ZEB2: variants seen among roughly 807,000 people sequenced by gnomAD.
ZEB2 encodes the protein zinc finger E-box binding homeobox 2.
Under a neutral mutation model 99.9 loss-of-function variants are expected in ZEB2, and 6 were observed. The ratio of observed to expected loss-of-function variants is 0.06; its 90% CI spans 0.03 to 0.12. The LOEUF (loss-of-function observed/expected upper bound fraction) is 0.12, where lower values mean the gene tolerates loss of function less well. Among genes scored for constraint, ZEB2 ranks in the 10% least tolerant of loss-of-function variants. The pLI is 1.00. For missense variants in ZEB2, 969 were observed against 1,502.8 expected, an observed-to-expected ratio of 0.64 and a Z score of 5.87; for synonymous variants, 517 against 542.5, an observed-to-expected ratio of 0.95 and a Z score of 0.65.
At chr2:144,401,859 G>T (rs1218579869) in intron 6 of ZEB2, among the ~76,000 whole-genome samples, 1 of 152,024 alleles carries the variant, frequency 6.6e-6, no homozygotes, top group East Asian at 1.9e-4. Flanking sequence ...AAAAAACCTT[G>T]ACTATAAATA....
intron 2 of ZEB2, chr2:144,463,017 T>A (rs1704216523): frequency 6.6e-6 from 1 of 152,216 alleles, no homozygotes; most frequent in Admixed American, 6.5e-5. Context: ...TTATTTGTTA[T>A]ACTGACACCA....
At chr2:144,451,044 T>C (rs962574062) in intron 2 of ZEB2, among the ~76,000 whole-genome samples, 6 of 152,066 alleles carry the variant, frequency 3.9e-5, no homozygotes, top group Non-Finnish European at 8.8e-5. Context: ...AGTGGACAAG[T>C]GATTTTAGAA....
Position 144,399,532 on chromosome 2 carries a change from C to T in ZEB2, c.1655G>A (p.Ser552Asn), listed in dbSNP as rs1441120961. The stretch of plus-strand genomic sequence containing the variant: ...ACGTAGCTTCTCTTTCTTTATATTA[C>T]TGATCTGTCTCCTTGAGTCAGTAGT... ...SLTTDSRRQI[S>N]NIKKEKLRTL... is the part of the protein sequence containing the mutation. Residue 552 changes from serine to asparagine, a missense_variant, in exon 8 of 10, where the codon AGT becomes AAT. This residue lies in a region of ZEB2 where 227 missense variants were observed against 278.2 expected (regional missense o/e 0.82). Coordinates refer to ENST00000627532, the MANE Select transcript of ZEB2 (RefSeq NM_014795.4). The surrounding 1 kb of genome is among the most constrained non-coding windows in gnomAD (Gnocchi z 5.6). 24 of 1,614,072 alleles carry T rather than the reference C, an allele frequency of 1.5e-5. No homozygotes were observed. Among genetic ancestry groups the T allele is most frequent in the Non-Finnish European group, 1.9e-5 (23 of 1,180,044 alleles).
intron 1 of ZEB2, 143 bp from the exon 2 acceptor site, chr2:144,517,562 C>G: frequency 1.9e-6 from 1 of 534,250 alleles, no homozygotes; most frequent in Non-Finnish European, 3.5e-6. Context: ...GCGGCCCCCT[C>G]CCCGCCCCCC....
rs867960256 is a variant in ZEB2 at position 144,503,612 on chromosome 2, T to C, written c.73+13666A>G. On this transcript the variant is annotated intron_variant, in intron 2 of 9. Transcript: ENST00000627532. ...CAAAGTTAGAAGAGACGGGGAAGGA[T>C]GACAATTTTTTTTTTTAAGACATCA... is the stretch of plus-strand genomic sequence containing the variant. 7.9e-5 allele frequency: 12 copies of C among 152,086 alleles called. No homozygotes were observed. The South Asian group carries it at 2.5e-3, about 32-fold the overall frequency. 9.4% of individuals were successfully genotyped at this position (152,086 alleles called of 1,614,324 possible).
rs76793142 is a variant in ZEB2, at chr2:144,393,732, C to G, written c.3067+2680G>C. 1.6e-3 allele frequency among the ~76,000 whole-genome samples: 249 copies of G among 152,178 alleles called. 1 individual carries two copies. Among genetic ancestry groups the G allele is most frequent in the African/African-American group, 5.4e-3 (224 of 41,496 alleles). On this transcript the variant is annotated intron_variant, in intron 9 of 9. Coordinates refer to ENST00000627532, the MANE Select transcript of ZEB2 (RefSeq NM_014795.4). ...TGTCATGAGATGTTTGGTCAAGTGA[C>G]CAAAAAGTTAACATGCTGGAAACTT...
intron 4 of ZEB2, among the ~76,000 whole-genome samples, chr2:144,408,460 A>G (rs993347251): frequency 6.6e-6 from 1 of 152,228 alleles, no homozygotes; most frequent in Non-Finnish European, 1.5e-5. Context: ...AAAGGGTTTC[A>G]TGAAGATGTC....
intron 1 of ZEB2, chr2:144,519,432 TG>T: frequency 8.5e-6 from 1 of 117,776 alleles, no homozygotes; most frequent in Non-Finnish European, 1.8e-5. Context: ...TGGGAGAGGA[TG>T]AACTGCCATG....
Position 144,389,818 on chromosome 2 carries a change from C to T in ZEB2, c.3278G>A (p.Arg1093His). 4 of 1,612,996 alleles carry T rather than the reference C, an allele frequency of 2.5e-6. No homozygotes were observed. Among genetic ancestry groups the T allele is most frequent in the Non-Finnish European group, 3.4e-6 (4 of 1,179,228 alleles). ...CAAGTGCCCTTTCTCGCGCGCCTCG[C>T]GCTCCGCCGCTTCCCGCTCCTCCGC... is the stretch of plus-strand genomic sequence containing the variant. Reference protein sequence around the residue: ...REAEEREAAEREAREKGHLEP... With the variant: ...REAEEREAAEHEAREKGHLEP... The change falls in exon 10 of 10, where the codon CGC (arginine) becomes CAC (histidine). Residue 1093 changes from arginine (R) to histidine (H), a missense_variant. By Grantham distance (29) the Arg-to-His change is conservative. Around this residue, in one of 8 missense-constraint regions of ZEB2, gnomAD observed 121 missense variants for 166.4 expected, o/e 0.73. Coordinates refer to ENST00000627532, the MANE Select transcript of ZEB2 (RefSeq NM_014795.4). The surrounding 1 kb of genome is among the most constrained non-coding windows in gnomAD (Gnocchi z 6.8).
intron 2 of ZEB2, chr2:144,513,016 C>T (rs766204690): frequency 1.6e-6 from 2 of 1,287,238 alleles, no homozygotes; most frequent in South Asian, 2.5e-5. Context: ...TCTGGACTGA[C>T]AGTGATCCGA....
Position 144,407,388 on chromosome 2 carries a change from C to T in ZEB2, c.404-2364G>A, listed in dbSNP as rs545470375. ...ATGGGCTTTAGATAAGATCACTTTC[C>T]CCTTGCTGTATGCACAATGTCATGG... On this transcript the variant is annotated intron_variant, in intron 4 of 9. Coordinates refer to ENST00000627532, the MANE Select transcript of ZEB2 (RefSeq NM_014795.4). Among the ~76,000 whole-genome samples the T allele has an allele frequency of 4.9e-4, 74 of 152,260 alleles. 1 individual carries two copies. Among genetic ancestry groups the T allele is most frequent in the African/African-American group, 1.8e-3 (74 of 41,538 alleles).
intron 2 of ZEB2, among the ~76,000 whole-genome samples, chr2:144,452,846 G>A (rs1005420162): frequency 6.6e-6 from 1 of 152,134 alleles, no homozygotes; most frequent in Non-Finnish European, 1.5e-5. Flanking sequence ...GGGGACAGGG[G>A]GGCTGGCTAC....
intron 2 of ZEB2, among the ~76,000 whole-genome samples, chr2:144,466,273 A>ATTT (rs927174756): frequency 1.1e-4 from 17 of 152,138 alleles, no homozygotes; most frequent in Non-Finnish European, 1.3e-4. Flanking sequence ...CTGTTTCTTC[A>ATTT]TTTTCACTAC....
At chr2:144,421,628 G>A (rs1010831471) in intron 4 of ZEB2, among the ~76,000 whole-genome samples, 2 of 140,972 alleles carry the variant, frequency 1.4e-5, no homozygotes, top group Admixed American at 7.0e-5. Flanking sequence ...GCTTCTGAAT[G>A]TTTAATTTTT....
intron 2 of ZEB2, among the ~76,000 whole-genome samples, chr2:144,499,230 G>C (rs927500924): frequency 3.3e-5 from 5 of 152,150 alleles, no homozygotes; most frequent in Non-Finnish European, 2.9e-5. Context: ...TATCAAGCCA[G>C]ATACTCAAAC....
At chr2:144,511,368 A>G (rs1405693961) in intron 2 of ZEB2, 2 of 1,188,848 alleles carry the variant, frequency 1.7e-6, no homozygotes, top group East Asian at 5.8e-5. Context: ...CATACACAGC[A>G]TAAAAACACT....
chr2:144,513,329 C>T lies in ZEB2; in HGVS notation c.73+3949G>A, dbSNP rs1447476311. The T allele has an allele frequency of 4.6e-6, 6 of 1,300,808 alleles. No homozygotes were observed. In the East Asian group the frequency reaches 1.6e-4, roughly 34 times the overall value. The allele number at this position is 1,300,808 out of a possible 1,614,324, so 80.6% of individuals were successfully genotyped here. On this transcript the variant is annotated intron_variant, in intron 2 of 9. Coordinates refer to ENST00000627532, the MANE Select transcript of ZEB2 (RefSeq NM_014795.4). ...GATCCAAAGCCCTGAGAACATTCAACTTGATCCCTGTTCTTTGCCACTGAA... is the reference window on the plus strand; with the variant it reads ...GATCCAAAGCCCTGAGAACATTCAATTTGATCCCTGTTCTTTGCCACTGAA...
intron 2 of ZEB2, among the ~76,000 whole-genome samples, chr2:144,472,662 G>A (rs142990344): frequency 9.7e-4 from 148 of 152,226 alleles, no homozygotes; most frequent in Non-Finnish European, 1.9e-3. Flanking sequence ...GAACCTGGGC[G>A]TGCTCACAAA....
intron 2 of ZEB2, chr2:144,449,599 C>T (rs569620040): frequency 6.6e-6 from 1 of 152,294 alleles, no homozygotes; most frequent in East Asian, 1.9e-4. Flanking sequence ...AAGGTGAAGA[C>T]TGGTCTTGAA....
Sources: gnomAD v4.1 joint callset for allele counts (sites outside exome capture counted in the v4.1 genomes callset) on GRCh38, gnomAD v4.1.1 for gene constraint, gnomAD v4.1.1 regional missense constraint, Gnocchi (gnomAD v3.1) non-coding constraint, MANE v1.5 for transcripts, NCBI Gene and HGNC (gene_info 2026-07-23, HGNC 2026-07-21) for gene names.